The following TMEM40 variants were observed in gnomAD, a reference collection of about 807,000 sequenced individuals.
TMEM40 encodes the protein transmembrane protein 40.
In TMEM40, 34 loss-of-function variants were observed where a neutral mutation model predicts 40.8. The observed-to-expected ratio is 0.83, with a 90% CI of 0.63 to 1.11. The LOEUF (loss-of-function observed/expected upper bound fraction) is 1.11. TMEM40 is among the 50% of genes least tolerant of loss of function. The pLI, the probability that TMEM40 is intolerant of heterozygous loss-of-function variation, is 0.00. For missense variants in TMEM40, 296 were observed against 280.2 expected, an observed-to-expected ratio of 1.06 and a Z score of -0.40; for synonymous variants, 106 against 107.0, an observed-to-expected ratio of 0.99 and a Z score of 0.06.
intron 5 of TMEM40, among the ~76,000 whole-genome samples, chr3:12,741,032 C>T (rs2061378187): frequency 1.3e-5 from 2 of 152,228 alleles, no homozygotes; most frequent in Admixed American, 1.3e-4. Context: ...GAACTCTGGA[C>T]TAGACAGGCA....
At chr3:12,747,957 C>T (rs1347358124) in intron 3 of TMEM40, among the ~76,000 whole-genome samples, 3 of 149,664 alleles carry the variant, frequency 2.0e-5, no homozygotes, top group African/African-American at 7.5e-5. Context: ...GATGTTGTTC[C>T]TCTAAACCCA....
At chr3:12,759,791 G>A (rs999739477), upstream of TMEM40, among the ~76,000 whole-genome samples, 3 of 152,268 alleles carry the variant, frequency 2.0e-5, no homozygotes, top group African/African-American at 4.8e-5. Context: ...GCACCCACTC[G>A]CCTTGTGCAA....
intron 1 of TMEM40, among the ~76,000 whole-genome samples, chr3:12,755,606 C>T (rs1234107241): frequency 6.6e-6 from 1 of 152,060 alleles, no homozygotes; most frequent in Admixed American, 6.5e-5. Context: ...CTCCAAAGTA[C>T]AGGAGGAAAA....
intron 3 of TMEM40, among the ~76,000 whole-genome samples, chr3:12,745,818 T>C (rs1388098671): frequency 6.6e-6 from 1 of 152,154 alleles, no homozygotes. Flanking sequence ...TTTTTGTATA[T>C]GCTCTCTGAT....
intron 3 of TMEM40, among the ~76,000 whole-genome samples, chr3:12,746,540 T>C (rs2061430038): frequency 6.6e-6 from 1 of 152,060 alleles, no homozygotes; most frequent in Non-Finnish European, 1.5e-5. Flanking sequence ...TGACTATGAG[T>C]GAGGGTCCTG....
intron 3 of TMEM40, among the ~76,000 whole-genome samples, chr3:12,744,906 G>A (rs1221710556): frequency 6.6e-6 from 1 of 152,122 alleles, no homozygotes; most frequent in Non-Finnish European, 1.5e-5. Context: ...AATAACAACG[G>A]TGGTGTTTAT....
chr3:12,764,935 A>G (rs4289328), intron 1 of TMEM40, among the ~76,000 whole-genome samples: 100,603 of 151,764 alleles, frequency 0.66, 35,124 homozygotes, highest in African/African-American at 0.88. Context: ...GCAGTGGCGC[A>G]ATCTCGGCTC....
intron 2 of TMEM40, among the ~76,000 whole-genome samples, chr3:12,749,510 G>A (rs2055740): frequency 0.97 from 147,524 of 152,252 alleles, 71,505 homozygotes; most frequent in East Asian, 1. Flanking sequence ...CCTAGTGCCA[G>A]CCCAAGCCCC....
rs746059728 is a variant in TMEM40 at position 12,736,833 on chromosome 3, C to T, written c.475G>A (p.Glu159Lys). The stretch of plus-strand genomic sequence containing the variant: ...CACAGGAGGACGAAATGGAAAAACT[C>T]ATCTGTGAAGGCAGGGGTGGGCAAT... ...LRRLNIKKDDEFFHFVLLCFA... is the reference protein window; with the variant it reads ...LRRLNIKKDDKFFHFVLLCFA... Residue 159 changes from glutamate to lysine, a missense_variant and splice_region_variant, in exon 9 of 12, where the codon GAG becomes AAG. Transcript: ENST00000314124. 1.2e-6 allele frequency: 2 copies of T among 1,614,134 alleles called. No individual in the cohort carries two copies. The highest frequency in any genetic ancestry group is 1.7e-6 in the Non-Finnish European group (2 of 1,180,010).
chr3:12,743,186 G>A (rs879190647), intron 4 of TMEM40, among the ~76,000 whole-genome samples: 1 of 152,038 alleles, frequency 6.6e-6, no homozygotes, highest in Non-Finnish European at 1.5e-5. Flanking sequence ...AAACATGCTC[G>A]GCCAGGCACG....
intron 5 of TMEM40, among the ~76,000 whole-genome samples, chr3:12,740,473 G>T (rs906610825): frequency 2.0e-5 from 3 of 151,382 alleles, no homozygotes; most frequent in Admixed American, 1.3e-4. Context: ...AGGCCGAGGC[G>T]GGTGGATCAC....
At chr3:12,742,967 T>C (rs1316197108) in intron 4 of TMEM40, among the ~76,000 whole-genome samples, 2 of 152,198 alleles carry the variant, frequency 1.3e-5, no homozygotes, top group Non-Finnish European at 2.9e-5. Context: ...ACCAGGTCTG[T>C]TGCCAAAGCC....
chr3:12,759,434 G>C (rs2061554582), upstream of TMEM40: 1 of 152,512 alleles, frequency 6.6e-6, no homozygotes, highest in Non-Finnish European at 1.5e-5. Flanking sequence ...GGGGCAGGTG[G>C]GGCAGCTACA....
chr3:12,767,865 G>C lies in TMEM40; in HGVS notation c.-9+1386C>G, dbSNP rs149146319. 3.2e-4 allele frequency among the ~76,000 whole-genome samples: 48 copies of C among 152,280 alleles called. No homozygotes were observed. The East Asian group carries it at 9.3e-3, about 29-fold the overall frequency. ...AGCTTTTAGGGAGGAATATGGTGCA[G>C]CTCCTGTCTCCACACCCCTTATAGC... On this transcript the variant is annotated intron_variant, in intron 1 of 11. Transcript: ENST00000264728.
In TMEM40 at chr3:12,759,184, C is replaced by G. The variant is rs1472575028; in HGVS notation, c.-9+7G>C. 1 of 152,786 alleles carries G rather than the reference C, an allele frequency of 6.5e-6. No individual in the cohort carries two copies. The highest frequency in any genetic ancestry group is 1.5e-5 in the Non-Finnish European group (1 of 68,534). The allele number at this position is 152,786 out of a possible 1,614,324, so 9.5% of individuals were successfully genotyped here. A position where few individuals can be genotyped will look rare whatever the true frequency, so the allele number is the denominator to read the frequency against. The stretch of plus-strand genomic sequence containing the variant: ...CCCACTGCTCACCCAGCCCCATGTC[C>G]CATTACCTGTGGTCCTTCAGCTTGT... On this transcript the variant is annotated splice_region_variant and intron_variant, in intron 1 of 11. Coordinates refer to ENST00000314124, the MANE Select transcript of TMEM40 (RefSeq NM_018306.4).
At chr3:12,755,190 C>CTTTCTTT (rs1559533142) in intron 1 of TMEM40, among the ~76,000 whole-genome samples, 9 of 113,604 alleles carry the variant, frequency 7.9e-5, no homozygotes, top group African/African-American at 2.3e-4. Flanking sequence ...CTCCTTCCTT[C>CTTTCTTT]CTTCCTTCCT....
At chr3:12,758,578 G>A (rs973922746) in intron 1 of TMEM40, among the ~76,000 whole-genome samples, 15 of 152,182 alleles carry the variant, frequency 9.9e-5, no homozygotes, top group Non-Finnish European at 1.9e-4. Flanking sequence ...AGGCAGCAGG[G>A]CCCCCTCCCC....
intron 11 of TMEM40, 141 bp from the exon 12 acceptor site, chr3:12,734,934 A>G (rs1438900965): frequency 9.5e-6 from 8 of 840,398 alleles, no homozygotes; most frequent in Non-Finnish European, 1.5e-5. Flanking sequence ...AATGAACCAC[A>G]GTCATAATAG....
rs572073706 is a variant in TMEM40 at position 12,734,787 on chromosome 3, C to T, written c.689G>A (p.Arg230Lys). 1 of 1,599,744 alleles carries T rather than the reference C, an allele frequency of 6.3e-7. No individual in the cohort carries two copies. Among genetic ancestry groups the T allele is most frequent in the Admixed American group, 1.7e-5 (1 of 58,446 alleles). Residue 230 changes from arginine to lysine, a missense_variant, in exon 12 of 12, where the codon AGG becomes AAG. Arg to Lys is a conservative substitution (Grantham distance 26, BLOSUM62 2). Transcript: ENST00000314124. ...LFQKFRLTGF[R>K]KTD ...CTGGAAGTGGCCTCAGTCAGTCTTC[C>T]TGAACCCTGGAAGGCAAAGACCACA...
Sources: gnomAD v4.1 joint callset for allele counts (sites outside exome capture counted in the v4.1 genomes callset) on GRCh38, gnomAD v4.1.1 for gene constraint, MANE v1.5 for transcripts, NCBI Gene and HGNC (gene_info 2026-07-23, HGNC 2026-07-21) for gene names.